PDCD7: variants seen among roughly 807,000 people sequenced by gnomAD.
PDCD7 encodes the protein programmed cell death protein 7.
Under a neutral mutation model 42.1 loss-of-function variants are expected in PDCD7, and 40 were observed. That is an observed-to-expected ratio of 0.95 (90% CI 0.74 to 1.24). The LOEUF (loss-of-function observed/expected upper bound fraction) is 1.24, where lower values mean the gene tolerates loss of function less well. PDCD7 is among the 50% of genes most tolerant of loss of function. The pLI is 0.00. For missense variants in PDCD7, 644 were observed against 662.8 expected, an observed-to-expected ratio of 0.97 and a Z score of 0.31; for synonymous variants, 299 against 303.3, an observed-to-expected ratio of 0.99 and a Z score of 0.15.
intron 1 of PDCD7, among the ~76,000 whole-genome samples, chr15:65,130,873 T>C (rs2087534646): frequency 6.6e-6 from 1 of 151,330 alleles, no homozygotes; most frequent in Non-Finnish European, 1.5e-5. Context: ...AGCTTACGTG[T>C]CATTGTATCA....
At position 65,133,170 on chromosome 15, in the gene PDCD7, G is replaced by C. The variant is rs1014937612; in HGVS notation, c.612C>G (p.Ala204=). 3 of 1,464,412 alleles carry C rather than the reference G, an allele frequency of 2.0e-6. No homozygotes were observed. In the South Asian group the frequency reaches 4.0e-5, roughly 20 times the overall value. The allele number at this position is 1,464,412 out of a possible 1,614,324, so 90.7% of individuals were successfully genotyped here. ...CGGTCTGGGAGTACAGCAGGACCCA[G>C]GCCGCGCCGTCGGCTTCGGCCTCGC... ...ALREAEADGA[A]WVLLYSQTAP... The change falls in exon 1 of 5, where the codon GCC becomes GCG. Residue 204 remains alanine (A), a synonymous_variant. Coordinates refer to ENST00000204549, the MANE Select transcript of PDCD7 (RefSeq NM_005707.2).
chr15:65,123,091 T>C (rs896042119), intron 2 of PDCD7, among the ~76,000 whole-genome samples: 1 of 152,162 alleles, frequency 6.6e-6, no homozygotes, highest in African/African-American at 2.4e-5. Flanking sequence ...AACTGCTTCC[T>C]AAAAAAGCTA....
chr15:65,118,879 T>A, intron 4 of PDCD7, 39 bp from the exon 5 acceptor site: 7 of 1,452,736 alleles, frequency 4.8e-6, no homozygotes, highest in Non-Finnish European at 6.4e-6. Flanking sequence ...TTATTTCTGT[T>A]TTATTCCAAA....
At chr15:65,130,721 T>C (rs562643954) in intron 1 of PDCD7, among the ~76,000 whole-genome samples, 8 of 152,132 alleles carry the variant, frequency 5.3e-5, no homozygotes, top group African/African-American at 1.4e-4. Flanking sequence ...TGTGCACCTG[T>C]AATCCCAGCT....
At chr15:65,131,236 T>C (rs2140587083) in intron 1 of PDCD7, among the ~76,000 whole-genome samples, 1 of 152,330 alleles carries the variant, frequency 6.6e-6, no homozygotes, top group Non-Finnish European at 1.5e-5. Flanking sequence ...GGGATCTAGG[T>C]TGTGGGCTCC....
In PDCD7 at chr15:65,133,654, T is replaced by G. The variant is rs764383900; in HGVS notation, c.128A>C (p.Gln43Pro). ...PSPAFPPPLP[Q>P]RPGPFPGASA... is the part of the protein sequence containing the mutation. ...GGCCCCCGGAAAAGGGCCGGGCCGC[T>G]GGGGGAGAGGCGGCGGGAAAGCCGG... Residue 43 changes from glutamine (Q) to proline (P), a missense_variant, in exon 1 of 5, where the codon CAG becomes CCG. Physicochemically the swap from Gln to Pro is moderately conservative, Grantham distance 76. Coordinates refer to ENST00000204549, the MANE Select transcript of PDCD7 (RefSeq NM_005707.2). 6.4e-6 allele frequency: 8 copies of G among 1,258,208 alleles called. No homozygotes were observed. In the African/African-American group the frequency reaches 9.5e-5, roughly 15 times the overall value. The allele number at this position is 1,258,208 out of a possible 1,614,324, so 77.9% of individuals were successfully genotyped here. A position where few individuals can be genotyped will look rare whatever the true frequency, so the allele number is the denominator to read the frequency against.
intron 2 of PDCD7, among the ~76,000 whole-genome samples, chr15:65,127,349 C>A (rs1337798391): frequency 6.7e-6 from 1 of 149,992 alleles, no homozygotes; most frequent in Non-Finnish European, 1.5e-5. Flanking sequence ...CCCAGCTACT[C>A]GGGAGGCTGA....
chr15:65,126,169 G>A (rs893268186), intron 2 of PDCD7, among the ~76,000 whole-genome samples: 3 of 152,138 alleles, frequency 2.0e-5, no homozygotes, highest in African/African-American at 4.8e-5. Flanking sequence ...CTAAGCACTT[G>A]CCACTTTCCA....
intron 1 of PDCD7, among the ~76,000 whole-genome samples, chr15:65,130,817 C>T (rs1009671376): frequency 2.6e-5 from 4 of 151,130 alleles, no homozygotes; most frequent in African/African-American, 2.4e-5. Context: ...CACTTCAGTC[C>T]GGGCAACAGT....
rs77807463 is a variant in PDCD7, at chr15:65,128,310, T to G, written c.1009+722A>C. ...CAGATCAGGGAAGGATGAAGGATGC[T>G]GCATGTGTATTTGGTTTTGAATAGT... On this transcript the variant is annotated intron_variant, in intron 2 of 4. Transcript: ENST00000204549. Among the ~76,000 whole-genome samples, 870 of 152,350 alleles carry G rather than the reference T, an allele frequency of 5.7e-3. 5 individuals carry two copies. Among genetic ancestry groups the G allele is most frequent in the Middle Eastern group, 0.014 (4 of 294 alleles).
intron 1 of PDCD7, among the ~76,000 whole-genome samples, chr15:65,130,953 C>T (rs1366277236): frequency 1.3e-5 from 2 of 152,130 alleles, no homozygotes; most frequent in Non-Finnish European, 2.9e-5. Flanking sequence ...TAGTTGAATT[C>T]CTAACACACA....
rs1427528449 is a variant in PDCD7 at position 65,118,088 on chromosome 15, A to C, written c.*629T>G. Reference sequence around the variant, plus strand: ...CATTAAAATACAATCCAATTTGGGTACTCTTCAGGTTTTCTAAGTTCTCCA... The same window carrying C: ...CATTAAAATACAATCCAATTTGGGTCCTCTTCAGGTTTTCTAAGTTCTCCA... On this transcript the variant is annotated 3_prime_UTR_variant, in exon 5 of 5. Coordinates refer to ENST00000204549, the MANE Select transcript of PDCD7 (RefSeq NM_005707.2). 1 of 152,146 alleles carries C rather than the reference A, an allele frequency of 6.6e-6. No individual in the cohort carries two copies. The highest frequency in any genetic ancestry group is 1.5e-5 in the Non-Finnish European group (1 of 68,028). 9.4% of individuals were successfully genotyped at this position (152,146 alleles called of 1,614,324 possible). A position where few individuals can be genotyped will look rare whatever the true frequency, so the allele number is the denominator to read the frequency against.
chr15:65,119,603 T>G (rs1595926172), intron 3 of PDCD7, 115 bp downstream of exon 3: 2 of 1,257,688 alleles, frequency 1.6e-6, no homozygotes, highest in African/African-American at 1.5e-5. Context: ...TGACACAGAA[T>G]TGCATCTGGA....
chr15:65,133,300 A>ACCGGACAGCCTGCCCGCCGCGGGGTCC lies in PDCD7; in HGVS notation c.455_481dup (p.Gly152_Pro160dup). On this transcript the variant is annotated inframe_insertion, in exon 1 of 5. Transcript: ENST00000204549. ...GGGCCCGGCATGCGTGCGCTGGGGC[A>ACCGGACAGCCTGCCCGCCGCGGGGTCC]CCGGACAGCCTGCCCGCCGCGGGGT... 7.6e-7 allele frequency: 1 copy of ACCGGACAGCCTGCCCGCCGCGGGGTCC among 1,307,492 alleles called. No homozygotes were observed. The highest frequency in any genetic ancestry group is 9.7e-7 in the Non-Finnish European group (1 of 1,032,642). 81.0% of individuals were successfully genotyped at this position (1,307,492 alleles called of 1,614,324 possible). A position where few individuals can be genotyped will look rare whatever the true frequency, so the allele number is the denominator to read the frequency against.
Position 65,133,234 on chromosome 15 carries a change from C to G in PDCD7, c.548G>C (p.Arg183Pro), listed in dbSNP as rs1190914038. ...EVRARLLRAL[R>P]LVRRLRGLSQ... The stretch of plus-strand genomic sequence containing the variant: ...CAGGCCGCGCAGCCGCCGCACCAGG[C>G]GCAGAGCCCGGAGCAATCGCGCGCG... The change falls in exon 1 of 5, where the codon CGC becomes CCC. Residue 183 changes from arginine to proline, a missense_variant. Coordinates refer to ENST00000204549, the MANE Select transcript of PDCD7 (RefSeq NM_005707.2). 8.7e-6 allele frequency: 12 copies of G among 1,379,292 alleles called. No individual in the cohort carries two copies. The highest frequency in any genetic ancestry group is 1.5e-5 in the African/African-American group (1 of 65,476). 85.4% of individuals were successfully genotyped at this position (1,379,292 alleles called of 1,614,324 possible).
Position 65,118,447 on chromosome 15 carries a change from A to C in PDCD7, c.*270T>G. The stretch of plus-strand genomic sequence containing the variant: ...AGTCACTCTGGACCAAGCCCCTCAA[A>C]ACAGAGGCAAATTTGGTGAACCAAG... On this transcript the variant is annotated 3_prime_UTR_variant, in exon 5 of 5. Coordinates refer to ENST00000204549, the MANE Select transcript of PDCD7 (RefSeq NM_005707.2). 1 of 330,688 alleles carries C rather than the reference A, an allele frequency of 3.0e-6. No homozygotes were observed. Among genetic ancestry groups the C allele is most frequent in the Non-Finnish European group, 5.5e-6 (1 of 183,204 alleles). The allele number at this position is 330,688 out of a possible 1,614,324, so 20.5% of individuals were successfully genotyped here. A position where few individuals can be genotyped will look rare whatever the true frequency, so the allele number is the denominator to read the frequency against.
chr15:65,118,968 C>G (rs957503715), intron 4 of PDCD7, 128 bp from the exon 5 acceptor site: 9 of 602,328 alleles, frequency 1.5e-5, no homozygotes, highest in African/African-American at 1.2e-4. Context: ...AACTTGATTT[C>G]TAGGAATCAA....
intron 1 of PDCD7, among the ~76,000 whole-genome samples, chr15:65,131,741 C>T (rs940894823): frequency 2.0e-5 from 3 of 152,046 alleles, no homozygotes; most frequent in African/African-American, 7.2e-5. Context: ...AAGAGCGAAA[C>T]TCCATCTCAA....
At chr15:65,130,117 T>C (rs1439419920) in intron 1 of PDCD7, among the ~76,000 whole-genome samples, 6 of 150,386 alleles carry the variant, frequency 4.0e-5, no homozygotes, top group Admixed American at 4.0e-4. Context: ...ATGCTGGGAT[T>C]ACAGGAGTGA....
Sources: allele counts gnomAD v4.1 joint callset (sites outside exome capture counted in the v4.1 genomes callset), GRCh38; gene constraint gnomAD v4.1.1; transcripts MANE v1.5; gene names NCBI Gene and HGNC (gene_info 2026-07-23, HGNC 2026-07-21).